UTRN: variants seen among roughly 807,000 people sequenced by gnomAD.
UTRN encodes the protein utrophin.
In UTRN, 283 loss-of-function variants were observed where a neutral mutation model predicts 463.9. The ratio of observed to expected loss-of-function variants is 0.61; its 90% CI spans 0.55 to 0.67. UTRN has a LOEUF of 0.67. Among genes scored for constraint, UTRN ranks in the 30% least tolerant of loss-of-function variants. The probability of loss-of-function intolerance (pLI) is 0.00; values close to 1 mark genes in which losing one functional copy is unlikely to be tolerated. For synonymous variants in UTRN, 1,442 were observed against 1,431.5 expected (o/e 1.01, Z -0.17); for missense variants, 3,922 against 4,084.3 (o/e 0.96, Z 1.08).
chr6:144,412,406 T>A (rs886077264), intron 3 of UTRN, among the ~76,000 whole-genome samples: 2 of 152,188 alleles, frequency 1.3e-5, no homozygotes, highest in African/African-American at 4.8e-5. Context: ...TGATGCATTA[T>A]TGATTATTAA....
At chr6:144,396,799 G>A (rs1782468944) in intron 2 of UTRN, among the ~76,000 whole-genome samples, 1 of 151,998 alleles carries the variant, frequency 6.6e-6, no homozygotes, top group Non-Finnish European at 1.5e-5. Context: ...CCATCCAACT[G>A]CATGTCATGA....
intron 51 of UTRN, among the ~76,000 whole-genome samples, chr6:144,586,014 A>G (rs1802429470): frequency 6.6e-6 from 1 of 152,044 alleles, no homozygotes; most frequent in African/African-American, 2.4e-5. Flanking sequence ...CTTCTTTTAA[A>G]TTCCTCTTGA....
chr6:144,719,161 C>T (rs2128707750), intron 53 of UTRN, among the ~76,000 whole-genome samples: 1 of 152,292 alleles, frequency 6.6e-6, no homozygotes, highest in Middle Eastern at 3.4e-3. Flanking sequence ...CCTTGATCCC[C>T]TTCTAACAAT....
chr6:144,792,094 A>G (rs1357779661), intron 62 of UTRN, among the ~76,000 whole-genome samples: 1 of 152,222 alleles, frequency 6.6e-6, no homozygotes, highest in Non-Finnish European at 1.5e-5. Context: ...AAAAATTATA[A>G]TAAAAATCAA....
rs543976791 is a variant in UTRN, at chr6:144,550,871, A to T, written c.6811-94A>T. 8.0e-6 allele frequency: 9 copies of T among 1,119,934 alleles called. No homozygotes were observed. In the South Asian group the frequency reaches 1.7e-4, roughly 21 times the overall value. 69.4% of individuals were successfully genotyped at this position (1,119,934 alleles called of 1,614,324 possible). A position where few individuals can be genotyped will look rare whatever the true frequency, so the allele number is the denominator to read the frequency against. On this transcript the variant is annotated intron_variant, in intron 47 of 74. Coordinates refer to ENST00000367545, the MANE Select transcript of UTRN (RefSeq NM_007124.3). ...CTTCACTATGCCATAGAGGAGGAAA[A>T]CAACGACAACTTTGATGTCAGCACA... is the stretch of plus-strand genomic sequence containing the variant.
At chr6:144,340,499 G>C (rs1777061690) in intron 2 of UTRN, among the ~76,000 whole-genome samples, 1 of 152,144 alleles carries the variant, frequency 6.6e-6, no homozygotes, top group Non-Finnish European at 1.5e-5. Context: ...GAATTCCTTT[G>C]CTTCCCTCTC....
intron 47 of UTRN, among the ~76,000 whole-genome samples, chr6:144,549,639 T>C (rs1798725105): frequency 6.6e-6 from 1 of 152,108 alleles, no homozygotes; most frequent in Non-Finnish European, 1.5e-5. Flanking sequence ...GGCAACCTGT[T>C]GGGGGAGCCA....
chr6:144,289,807 C>T (rs1404117058), intron 1 of UTRN, among the ~76,000 whole-genome samples: 1 of 152,116 alleles, frequency 6.6e-6, no homozygotes, highest in Non-Finnish European at 1.5e-5. Flanking sequence ...TGCCACCACA[C>T]CCAGCTAATT....
chr6:144,590,221 G>A (rs1802889806), intron 51 of UTRN, among the ~76,000 whole-genome samples: 1 of 152,126 alleles, frequency 6.6e-6, no homozygotes, highest in South Asian at 2.1e-4. Context: ...GATGTTCGAT[G>A]TTCAAGTATT....
chr6:144,850,911 TC>T (rs1782438991), intron 74 of UTRN, 77 bp from the exon 75 acceptor site: 3 of 1,588,048 alleles, frequency 1.9e-6, no homozygotes, highest in Middle Eastern at 1.7e-4. Flanking sequence ...ACTTTTATTT[TC>T]TTGAAGAATT....
At chr6:144,766,187 G>A (rs1025577724) in intron 58 of UTRN, among the ~76,000 whole-genome samples, 4 of 151,940 alleles carry the variant, frequency 2.6e-5, no homozygotes, top group African/African-American at 9.7e-5. Context: ...ACTGATGGGG[G>A]TACTCCACAT....
At chr6:144,377,622 C>A (rs1247686382) in intron 2 of UTRN, among the ~76,000 whole-genome samples, 4 of 152,106 alleles carry the variant, frequency 2.6e-5, no homozygotes, top group African/African-American at 7.2e-5. Context: ...TTAACAGTTT[C>A]TTTTCTGTAT....
rs774365129 is a variant in UTRN at position 144,840,753 on chromosome 6, G to A, written c.10191G>A (p.Leu3397=). 1.2e-6 allele frequency: 2 copies of A among 1,613,932 alleles called. No homozygotes were observed. The highest frequency in any genetic ancestry group is 2.2e-5 in the East Asian group (1 of 44,862). ...TTGCTGTCACAGCGGGAGAGGACCT[G>A]CTGGCCCCACCGCACGACACCAGCA... is the stretch of plus-strand genomic sequence containing the variant. The part of the protein sequence containing the change: ...PQFHQAAGED[L]LAPPHDTSTD... Residue 3397 remains leucine (L), a synonymous_variant, in exon 73 of 75, where the codon CTG becomes CTA. Transcript: ENST00000367545.
chr6:144,774,340 C>T lies in UTRN; in HGVS notation c.8608C>T (p.Arg2870Ter), dbSNP rs1775118689. Residue 2870 changes from arginine (R) to a stop codon, truncating the protein, a stop_gained, in exon 60 of 75, where the codon CGA (arginine) becomes TGA (stop). Transcript: ENST00000367545. LOFTEE classifies it high-confidence loss of function. ...TGCCTACCGTACAGCAATCAAAATC[C>T]GAAGACTACAAAAAGCACTATGTTG... ...FSAYRTAIKI[R>*]RLQKALCLDL... 3.7e-6 allele frequency: 6 copies of T among 1,600,968 alleles called. No homozygotes were observed. The highest frequency in any genetic ancestry group is 2.3e-5 in the East Asian group (1 of 44,362).
intron 51 of UTRN, among the ~76,000 whole-genome samples, chr6:144,646,533 A>G (rs1778321194): frequency 6.6e-6 from 1 of 152,172 alleles, no homozygotes; most frequent in Non-Finnish European, 1.5e-5. Flanking sequence ...AAGAGAAAAT[A>G]TGTATTATAT....
At chr6:144,523,550 T>C (rs1796311424) in intron 41 of UTRN, among the ~76,000 whole-genome samples, 1 of 152,142 alleles carries the variant, frequency 6.6e-6, no homozygotes, top group South Asian at 2.1e-4. Flanking sequence ...CCTCAGGCAG[T>C]CCGCCTTGCC....
chr6:144,789,390 T>C (rs538855579), intron 62 of UTRN, 111 bp downstream of exon 62: 4 of 932,464 alleles, frequency 4.3e-6, no homozygotes, highest in East Asian at 2.8e-5. Flanking sequence ...TTCTCTCTCT[T>C]TTTTTAACCC....
chr6:144,839,976 G>A (rs1255912006), intron 72 of UTRN, among the ~76,000 whole-genome samples: 4 of 151,984 alleles, frequency 2.6e-5, no homozygotes, highest in Non-Finnish European at 4.4e-5. Context: ...AGTGGCTCCC[G>A]CCTGTAATCC....
At chr6:144,474,566 A>G (rs751060974) in intron 24 of UTRN, 38 bp from the exon 25 acceptor site, 2 of 1,579,056 alleles carry the variant, frequency 1.3e-6, no homozygotes, top group Admixed American at 1.8e-5. Context: ...ATCCACTTAT[A>G]TAGTAATGAA....
Sources: allele counts gnomAD v4.1 joint callset (sites outside exome capture counted in the v4.1 genomes callset), GRCh38; gene constraint gnomAD v4.1.1; transcripts MANE v1.5; gene names NCBI Gene and HGNC (gene_info 2026-07-23, HGNC 2026-07-21).